The following CROCC2 variants were observed in gnomAD, a reference collection of about 807,000 sequenced individuals.
CROCC2 encodes the protein ciliary rootlet coiled-coil, rootletin family member 2.
CROCC2 carries 163 observed loss-of-function variants against 177.6 expected under a neutral mutation model. The ratio of observed to expected loss-of-function variants is 0.92; its 90% CI spans 0.81 to 1.05. The LOEUF (loss-of-function observed/expected upper bound fraction) is 1.05. Ranked by LOEUF, CROCC2 falls within the 50% of genes least tolerant of loss-of-function variation. The pLI, the probability that CROCC2 is intolerant of heterozygous loss-of-function variation, is 0.00. For synonymous variants in CROCC2, 904 were observed against 787.3 expected, an observed-to-expected ratio of 1.15 and a Z score of -2.48; for missense variants, 1,929 against 1,797.8, an observed-to-expected ratio of 1.07 and a Z score of -1.32.
chr2:240,934,997 G>T lies in CROCC2; in HGVS notation c.1873G>T (p.Ala625Ser), dbSNP rs1053476559. ...EGVEQRDSLA[A>S]MAALMEGLAQ... is the part of the protein sequence containing the mutation. The stretch of plus-strand genomic sequence containing the variant: ...AGTGGAGCAAAGGGACTCCCTGGCC[G>T]CAATGGCCGCCTTGATGGAGGGGTT... Residue 625 changes from alanine (A) to serine (S), a missense_variant, in exon 13 of 32, where the codon GCA (alanine) becomes TCA (serine). Physicochemically the swap from Ala to Ser is moderately conservative, Grantham distance 99 (BLOSUM62 1). Transcript: ENST00000690015. The T allele has an allele frequency of 9.7e-6, 14 of 1,445,324 alleles. No homozygotes were observed. Among genetic ancestry groups the T allele is most frequent in the East Asian group, 5.6e-5 (2 of 35,758 alleles). The allele number at this position is 1,445,324 out of a possible 1,614,324, so 89.5% of individuals were successfully genotyped here.
chr2:240,922,475 GC>G, intron 3 of CROCC2, 63 bp from the exon 4 acceptor site: 2 of 636,642 alleles, frequency 3.1e-6, no homozygotes, highest in Middle Eastern at 3.1e-4. Flanking sequence ...TGCCCAAGAT[GC>G]CCCAGCCCCT....
intron 27 of CROCC2, among the ~76,000 whole-genome samples, chr2:240,975,028 A>G (rs189767219): frequency 1.3e-5 from 2 of 151,914 alleles, no homozygotes; most frequent in Admixed American, 1.3e-4. Flanking sequence ...CTGCTTTGTC[A>G]GTTGTTTATT....
chr2:240,933,465 C>T (rs1217441426), intron 10 of CROCC2, 123 bp downstream of exon 10: 2 of 1,170,260 alleles, frequency 1.7e-6, no homozygotes, highest in Non-Finnish European at 1.2e-6. Context: ...GGGGTCCTTG[C>T]CTTCTAGCAG....
intron 28 of CROCC2, among the ~76,000 whole-genome samples, chr2:240,984,363 T>TAGG (rs1202051180): frequency 6.6e-6 from 1 of 151,888 alleles, no homozygotes; most frequent in African/African-American, 2.4e-5. Context: ...GGTCGACTGA[T>TAGG]AGGGAAACAG....
chr2:240,982,145 G>A lies in CROCC2; in HGVS notation c.4402-735G>A, dbSNP rs982656594. 2.6e-5 allele frequency: 4 copies of A among 152,252 alleles called. No individual in the cohort carries two copies. Among genetic ancestry groups the A allele is most frequent in the South Asian group, 2.1e-4 (1 of 4,816 alleles). The allele number at this position is 152,252 out of a possible 1,614,324, so 9.4% of individuals were successfully genotyped here. ...CGGGCAGTGTCCTGGGGGCAGCTGG[G>A]AGCACCACAGGCCCAGAGCAAGGCA... On this transcript the variant is annotated intron_variant, in intron 27 of 31. Transcript: ENST00000690015. This position sits in a 1 kb window ranked among gnomAD's most constrained non-coding sequence, Gnocchi z 4.7.
chr2:240,966,644 C>T (rs1294506200), intron 25 of CROCC2, among the ~76,000 whole-genome samples: 2 of 152,172 alleles, frequency 1.3e-5, no homozygotes, highest in East Asian at 3.9e-4. Flanking sequence ...CCAGGCCCTG[C>T]TGTGACACCC....
rs573912511 is a variant in CROCC2 at position 240,942,947 on chromosome 2, T to C, written c.2170-3113T>C. ...GTCAGCTGCTATTTTTTTGTTCAGA[T>C]TCGTAGTCTCCTGGTCCTTTACTAC... On this transcript the variant is annotated intron_variant, in intron 14 of 31. Coordinates refer to ENST00000690015, the MANE Select transcript of CROCC2 (RefSeq NM_001351305.2). 8.5e-5 allele frequency among the ~76,000 whole-genome samples: 13 copies of C among 152,340 alleles called. No homozygotes were observed. The East Asian group carries it at 2.3e-3, about 27-fold the overall frequency.
rs532105784 is a variant in CROCC2, at chr2:240,918,307, C to A, written c.79-419C>A. Among the ~76,000 whole-genome samples the A allele has an allele frequency of 6.6e-6, 1 of 152,160 alleles. No homozygotes were observed. Among genetic ancestry groups the A allele is most frequent in the Admixed American group, 6.5e-5 (1 of 15,274 alleles). ...ATCTAGGTCCCTCCTCTGGCCCCAC[C>A]GTGCAAACAAGCTGTGAGACCACCT... On this transcript the variant is annotated intron_variant, in intron 1 of 31. Coordinates refer to ENST00000690015, the MANE Select transcript of CROCC2 (RefSeq NM_001351305.2). The surrounding 1 kb of genome is among the most constrained non-coding windows in gnomAD (Gnocchi z 6.3).
At chr2:240,967,524 A>T in intron 26 of CROCC2, 59 bp downstream of exon 26, 1 of 1,521,608 alleles carries the variant, frequency 6.6e-7, no homozygotes, top group South Asian at 1.2e-5. Flanking sequence ...TGGCACCACC[A>T]TGTCCCCACT....
At chr2:240,965,288 A>G (rs750930312) in intron 22 of CROCC2, 93 bp from the exon 23 acceptor site, 51 of 1,505,540 alleles carry the variant, frequency 3.4e-5, no homozygotes, top group Middle Eastern at 2.3e-4. Context: ...AGCTGCCCTC[A>G]AGGGACGTGT....
At position 240,953,915 on chromosome 2, in the gene CROCC2, C is replaced by G. The variant is rs575796428; in HGVS notation, c.2830-1944C>G. 6.6e-6 allele frequency among the ~76,000 whole-genome samples: 1 copy of G among 152,128 alleles called. No homozygotes were observed. The highest frequency in any genetic ancestry group is 2.4e-5 in the African/African-American group (1 of 41,424). ...GAAGCTCTCACCCGAGAGAACGACA[C>G]GCTTCTATATTTGATGAAGTTTTGC... On this transcript the variant is annotated intron_variant, in intron 18 of 31. Transcript: ENST00000690015. The surrounding 1 kb of genome is among the most constrained non-coding windows in gnomAD (Gnocchi z 4.0).
In CROCC2 at chr2:240,934,451, G is replaced by A. The variant is rs972389755; in HGVS notation, c.1767G>A (p.Glu589=). ...GGGATGTCGTGGAGAGTGAGAGGGA[G>A]GGACTGCGCAGCGCCCTGGCGCGGG... ...LQRDVVESER[E]GLRSALARAE... The change falls in exon 12 of 32, where the codon GAG becomes GAA. Residue 589 remains glutamate (E), a synonymous_variant. Coordinates refer to ENST00000690015, the MANE Select transcript of CROCC2 (RefSeq NM_001351305.2). 6.5e-7 allele frequency: 1 copy of A among 1,548,356 alleles called. No homozygotes were observed. Among genetic ancestry groups the A allele is most frequent in the Non-Finnish European group, 8.7e-7 (1 of 1,146,798 alleles).
chr2:240,986,633 G>A (rs74001748), intron 28 of CROCC2, among the ~76,000 whole-genome samples: 1,831 of 152,312 alleles, frequency 0.012, 39 homozygotes, highest in African/African-American at 0.042. Flanking sequence ...GCTGGATGGC[G>A]CAGGGGGAGG....
chr2:240,918,040 C>G lies in CROCC2; in HGVS notation c.79-686C>G, dbSNP rs933309186. Among the ~76,000 whole-genome samples, 3 of 152,196 alleles carry G rather than the reference C, an allele frequency of 2.0e-5. No homozygotes were observed. The highest frequency in any genetic ancestry group is 2.1e-4 in the South Asian group (1 of 4,830). ...AGAAGGGCAGCCATTCAGCAAACAC[C>G]TCCTGAGTGTGAGCCCAGGTCCTGG... On this transcript the variant is annotated intron_variant, in intron 1 of 31. Transcript: ENST00000690015. This position sits in a 1 kb window ranked among gnomAD's most constrained non-coding sequence, Gnocchi z 6.3.
chr2:240,918,391 G>A lies in CROCC2; in HGVS notation c.79-335G>A, dbSNP rs2059333449. ...GGAGCAGAGGCAAAGGAACCTGCCTGTCAGCATCCCCTAGGGAACTGGCAA... is the reference window on the plus strand; with the variant it reads ...GGAGCAGAGGCAAAGGAACCTGCCTATCAGCATCCCCTAGGGAACTGGCAA... On this transcript the variant is annotated intron_variant, in intron 1 of 31. Coordinates refer to ENST00000690015, the MANE Select transcript of CROCC2 (RefSeq NM_001351305.2). This position sits in a 1 kb window ranked among gnomAD's most constrained non-coding sequence, Gnocchi z 6.3. Among the ~76,000 whole-genome samples the A allele has an allele frequency of 6.6e-6, 1 of 152,208 alleles. No homozygotes were observed. Among genetic ancestry groups the A allele is most frequent in the African/African-American group, 2.4e-5 (1 of 41,462 alleles).
Position 240,965,635 on chromosome 2 carries a change from G to A in CROCC2, c.3604-1G>A, listed in dbSNP as rs1213049867. The A allele has an allele frequency of 6.4e-7, 1 of 1,550,626 alleles. No individual in the cohort carries two copies. The highest frequency in any genetic ancestry group is 1.2e-5 in the South Asian group (1 of 84,052). On this transcript the variant is annotated splice_acceptor_variant, in intron 23 of 31. Coordinates refer to ENST00000690015, the MANE Select transcript of CROCC2 (RefSeq NM_001351305.2). LOFTEE classifies it high-confidence loss of function. ...GGCGCACCCCAACATCCCTCCTACA[G>A]GTCCTGGGATTGCAGAGGAAGTTGG...
At position 240,955,949 on chromosome 2, in the gene CROCC2, C is replaced by T; in HGVS notation, c.2920C>T (p.Gln974Ter). The change falls in exon 19 of 32, where the codon CAG becomes TAG. Residue 974 changes from glutamine (Q) to a stop codon, truncating the protein, a stop_gained. Coordinates refer to ENST00000690015, the MANE Select transcript of CROCC2 (RefSeq NM_001351305.2). LOFTEE classifies it high-confidence loss of function. ...GCTAGAGCGGGTACAGCAGGAGGCACAGAGCCAGCAGGAGCAAGCGCAGGT... is the reference window on the plus strand; with the variant it reads ...GCTAGAGCGGGTACAGCAGGAGGCATAGAGCCAGCAGGAGCAAGCGCAGGT... ...RTLERVQQEA[Q>*]SQQEQAQATI... The T allele has an allele frequency of 6.5e-7, 1 of 1,534,598 alleles. No individual in the cohort carries two copies.
Position 240,958,121 on chromosome 2 carries a change from G to T in CROCC2, c.2944-1180G>T, listed in dbSNP as rs947184967. 3.0e-5 allele frequency: 30 copies of T among 985,314 alleles called. No individual in the cohort carries two copies. The highest frequency in any genetic ancestry group is 5.2e-4 in the Middle Eastern group (1 of 1,936). The allele number at this position is 985,314 out of a possible 1,614,324, so 61.0% of individuals were successfully genotyped here. On this transcript the variant is annotated intron_variant, in intron 19 of 31. Coordinates refer to ENST00000690015, the MANE Select transcript of CROCC2 (RefSeq NM_001351305.2). This position sits in a 1 kb window ranked among gnomAD's most constrained non-coding sequence, Gnocchi z 6.7. ...GGCTCAGAAAATGGAAATTAAAACT[G>T]TTGAGAGGAGCGGGAGGAGAGGAAT...
In CROCC2 at chr2:240,973,530, G is replaced by A. The variant is rs1163848007; in HGVS notation, c.4401+5268G>A. ...TGCCCAGGCCTCCTTCCCCCACTGT[G>A]CCCACGTGCCACACCCACCCCCCCA... is the stretch of plus-strand genomic sequence containing the variant. On this transcript the variant is annotated intron_variant, in intron 27 of 31. Coordinates refer to ENST00000690015, the MANE Select transcript of CROCC2 (RefSeq NM_001351305.2). The surrounding 1 kb of genome is among the most constrained non-coding windows in gnomAD (Gnocchi z 4.7). 5.3e-5 allele frequency among the ~76,000 whole-genome samples: 8 copies of A among 151,592 alleles called. No individual in the cohort carries two copies. Among genetic ancestry groups the A allele is most frequent in the African/African-American group, 1.5e-4 (6 of 41,122 alleles).
Sources: allele counts gnomAD v4.1 joint callset (sites outside exome capture counted in the v4.1 genomes callset), GRCh38; gene constraint gnomAD v4.1.1; non-coding constraint Gnocchi (gnomAD v3.1); transcripts MANE v1.5; gene names NCBI Gene and HGNC (gene_info 2026-07-23, HGNC 2026-07-21).